Variants in ASCC2 observed in about 807,000 individuals in gnomAD.
The protein encoded by ASCC2 is ASC-1 complex subunit P100.
A neutral mutation model predicts 93.5 loss-of-function variants in ASCC2; 42 were observed. The observed-to-expected ratio is 0.45, with a 90% CI of 0.35 to 0.58. ASCC2 has a LOEUF of 0.58. Ranked by LOEUF, ASCC2 falls within the 20% of genes least tolerant of loss-of-function variation. The pLI is 0.00. For synonymous variants in ASCC2, 364 were observed against 384.2 expected (o/e 0.95, Z 0.62); for missense variants, 859 against 977.6 (o/e 0.88, Z 1.62).
chr22:29,817,158 G>T (rs897607065), intron 5 of ASCC2, among the ~76,000 whole-genome samples: 3 of 152,238 alleles, frequency 2.0e-5, no homozygotes, highest in African/African-American at 7.2e-5. Flanking sequence ...CCAGAAAGCT[G>T]AGTTTTACCA....
At chr22:29,801,944 C>A (rs763654785) in intron 14 of ASCC2, 50 bp downstream of exon 14, 39 of 1,520,376 alleles carry the variant, frequency 2.6e-5, no homozygotes, top group Non-Finnish European at 3.4e-5. Context: ...AGGGGCCCCA[C>A]CCCGAGGCAG....
At chr22:29,800,752 C>T (rs914589489) in intron 15 of ASCC2, among the ~76,000 whole-genome samples, 1 of 152,124 alleles carries the variant, frequency 6.6e-6, no homozygotes, top group Non-Finnish European at 1.5e-5. Context: ...CCCTTCTGGC[C>T]TTTTGCTATC....
At position 29,816,028 on chromosome 22, in the gene ASCC2, T is replaced by G. The variant is rs553777493; in HGVS notation, c.587A>C (p.Glu196Ala). ...TACCTGAAGGATGGTAGGCAGGGTT[T>G]CATCCAGGTCACTGTAGTAACTTGG... ...QQPSYYSDLD[E>A]TLPTILQVFS... The change falls in exon 6 of 20, where the codon GAA becomes GCA. Residue 196 changes from glutamate (E) to alanine (A), a missense_variant. Physicochemically the swap from Glu to Ala is moderately radical, Grantham distance 107. Coordinates refer to ENST00000307790, the MANE Select transcript of ASCC2 (RefSeq NM_032204.5). The G allele has an allele frequency of 6.3e-7, 1 of 1,598,108 alleles. No individual in the cohort carries two copies. Among genetic ancestry groups the G allele is most frequent in the East Asian group, 2.2e-5 (1 of 44,692 alleles).
intron 9 of ASCC2, among the ~76,000 whole-genome samples, chr22:29,807,689 T>TAA (rs906939033): frequency 6.6e-6 from 1 of 150,898 alleles, no homozygotes; most frequent in African/African-American, 2.4e-5. Flanking sequence ...GCTAAGAGTT[T>TAA]AAAAAAAAAT....
chr22:29,808,039 C>T, intron 9 of ASCC2, 72 bp downstream of exon 9: 1 of 1,506,986 alleles, frequency 6.6e-7, no homozygotes, highest in Non-Finnish European at 9.2e-7. Flanking sequence ...GATGCTAATG[C>T]CCAGGGAAGG....
At chr22:29,830,779 G>A (rs549456359) in intron 2 of ASCC2, among the ~76,000 whole-genome samples, 66 of 152,324 alleles carry the variant, frequency 4.3e-4, no homozygotes, top group African/African-American at 1.5e-3. Flanking sequence ...CACATGGCCT[G>A]GCTGCAGTCC....
At chr22:29,814,536 GC>G in intron 7 of ASCC2, 120 bp downstream of exon 7, 1 of 688,076 alleles carries the variant, frequency 1.5e-6, no homozygotes, top group Non-Finnish European at 2.4e-6. Flanking sequence ...GGAGGAAGGG[GC>G]CCTGGGCAGG....
chr22:29,820,506 T>C (rs2148114488), intron 5 of ASCC2, among the ~76,000 whole-genome samples: 1 of 151,962 alleles, frequency 6.6e-6, no homozygotes, highest in East Asian at 1.9e-4. Context: ...TTAAGAAAAA[T>C]ACAGAGAAAA....
chr22:29,804,965 C>G, intron 12 of ASCC2, 135 bp from the exon 13 acceptor site: 4 of 888,440 alleles, frequency 4.5e-6, no homozygotes, highest in South Asian at 1.6e-5. Flanking sequence ...GTATAGCCCA[C>G]GGGCACCTGG....
In ASCC2 at chr22:29,815,986, G is replaced by A. The variant is rs759933578; in HGVS notation, c.609+20C>T. On this transcript the variant is annotated intron_variant, in intron 6 of 19. Coordinates refer to ENST00000307790, the MANE Select transcript of ASCC2 (RefSeq NM_032204.5). ...ATCCTCCAAGCTCAACCTCCCCTGC[G>A]CAGGGCCAAGAGCTGGTACCTGAAG... 9.6e-6 allele frequency: 15 copies of A among 1,568,762 alleles called. No individual in the cohort carries two copies. Among genetic ancestry groups the A allele is most frequent in the African/African-American group, 1.3e-5 (1 of 74,226 alleles).
intron 2 of ASCC2, among the ~76,000 whole-genome samples, chr22:29,828,241 A>C (rs527287721): frequency 1.3e-5 from 2 of 152,318 alleles, no homozygotes; most frequent in South Asian, 2.1e-4. Flanking sequence ...TCATAACAAA[A>C]GGGCACAGAT....
At chr22:29,834,804 G>C (rs1412511986) in intron 1 of ASCC2, among the ~76,000 whole-genome samples, 1 of 151,698 alleles carries the variant, frequency 6.6e-6, no homozygotes, top group African/African-American at 2.4e-5. Context: ...TCTTTTGCTA[G>C]GGCACCTGGG....
chr22:29,828,257 T>G (rs2062703841), intron 2 of ASCC2, among the ~76,000 whole-genome samples: 1 of 152,190 alleles, frequency 6.6e-6, no homozygotes, highest in Non-Finnish European at 1.5e-5. Flanking sequence ...CAGATTGCAC[T>G]GGGCGGTGGG....
At chr22:29,813,356 T>A (rs1174490945) in intron 8 of ASCC2, 74 bp downstream of exon 8, 8 of 1,113,892 alleles carry the variant, frequency 7.2e-6, no homozygotes, top group African/African-American at 1.5e-5. Flanking sequence ...AAATATTTGT[T>A]AAATGAGTAA....
intron 2 of ASCC2, among the ~76,000 whole-genome samples, chr22:29,826,581 G>C (rs923989970): frequency 1.3e-5 from 2 of 152,040 alleles, no homozygotes; most frequent in Admixed American, 6.6e-5. Flanking sequence ...AAAGTGCTAG[G>C]ATTACAGGTT....
chr22:29,824,295 A>C (rs2062007474), intron 4 of ASCC2, among the ~76,000 whole-genome samples: 1 of 143,590 alleles, frequency 7.0e-6, no homozygotes, highest in Non-Finnish European at 1.5e-5. Context: ...CACACACTCA[A>C]AGGGAACAAA....
intron 18 of ASCC2, among the ~76,000 whole-genome samples, chr22:29,791,604 C>T (rs1319080958): frequency 1.3e-5 from 2 of 152,124 alleles, no homozygotes; most frequent in South Asian, 2.1e-4. Context: ...TCACTTGAAT[C>T]CGGGAGGTGG....
intron 5 of ASCC2, 152 bp downstream of exon 5, chr22:29,822,183 G>T: frequency 1.1e-6 from 1 of 941,254 alleles, no homozygotes; most frequent in South Asian, 1.6e-5. Context: ...ATTTTGAGGT[G>T]ACACTCATAT....
Position 29,792,517 on chromosome 22 carries a change from C to T in ASCC2, c.1938G>A (p.Gln646=). Residue 646 remains glutamine, a synonymous_variant, in exon 18 of 20, where the codon CAG becomes CAA. Transcript: ENST00000307790. The part of the protein sequence containing the change: ...LISRRPFTIP[Q]VLRTKVPREG... ...CTCTAGGCACTTTGGTTCTCAGCACCTGAGGGATGGTGAATGGCCTGAGGG... is the reference window on the plus strand; with the variant it reads ...CTCTAGGCACTTTGGTTCTCAGCACTTGAGGGATGGTGAATGGCCTGAGGG... 2 of 1,614,050 alleles carry T rather than the reference C, an allele frequency of 1.2e-6. No homozygotes were observed. The highest frequency in any genetic ancestry group is 1.7e-6 in the Non-Finnish European group (2 of 1,179,946).
Sources: gnomAD v4.1 joint callset for allele counts (sites outside exome capture counted in the v4.1 genomes callset) on GRCh38, gnomAD v4.1.1 for gene constraint, MANE v1.5 for transcripts, NCBI Gene and HGNC (gene_info 2026-07-23, HGNC 2026-07-21) for gene names.